Variants in RIMS1 observed in about 807,000 individuals in gnomAD.
RIMS1 encodes regulating synaptic membrane exocytosis 1.
A neutral mutation model predicts 214.1 loss-of-function variants in RIMS1; 83 were observed. That is an observed-to-expected ratio of 0.39 (90% confidence interval 0.32 to 0.47). The LOEUF is 0.47. RIMS1 is among the 20% of genes least tolerant of loss of function. The pLI, the probability that RIMS1 is intolerant of heterozygous loss-of-function variation, is 0.99. For synonymous variants in RIMS1, 793 were observed against 786.8 expected (o/e 1.01, Z -0.13); for missense variants, 2,050 against 2,161.8 (o/e 0.95, Z 1.03).
At position 71,887,072 on chromosome 6, in the gene RIMS1, C is replaced by G. The variant is rs772961215; in HGVS notation, c.49C>G (p.Pro17Ala). The change falls in exon 1 of 34, where the codon CCC (proline) becomes GCC (alanine). Residue 17 changes from proline (P) to alanine (A), a missense_variant. This residue lies in a region of RIMS1 where 882 missense variants were observed against 828.9 expected (regional missense o/e 1.06). Coordinates refer to ENST00000521978, the MANE Select transcript of RIMS1 (RefSeq NM_014989.7). Reference sequence around the variant, plus strand: ...CGGTCCTCGCCCACCCACGGTGCCTCCCCCCATGCAAGAGCTGCCCGACCT... The same window carrying G: ...CGGTCCTCGCCCACCCACGGTGCCTGCCCCCATGCAAGAGCTGCCCGACCT... ...PRGPRPPTVP[P>A]PMQELPDLSH... 1 of 1,613,406 alleles carries G rather than the reference C, an allele frequency of 6.2e-7. No individual in the cohort carries two copies. The highest frequency in any genetic ancestry group is 8.5e-7 in the Non-Finnish European group (1 of 1,179,640).
chr6:72,013,344 A>G (rs1478666939), intron 2 of RIMS1, among the ~76,000 whole-genome samples: 3 of 152,214 alleles, frequency 2.0e-5, no homozygotes, highest in African/African-American at 7.2e-5. Flanking sequence ...TTTTACTCTA[A>G]TTCTGATTAT....
chr6:72,117,508 A>G (rs561454835), intron 4 of RIMS1, among the ~76,000 whole-genome samples: 33 of 152,080 alleles, frequency 2.2e-4, no homozygotes, highest in African/African-American at 7.7e-4. Flanking sequence ...CAGCACATGT[A>G]ACATTCTCCA....
chr6:71,990,923 G>C (rs1801401705), intron 2 of RIMS1, among the ~76,000 whole-genome samples: 1 of 152,014 alleles, frequency 6.6e-6, no homozygotes, highest in Non-Finnish European at 1.5e-5. Context: ...GTCTTATAAG[G>C]CTTCATAAAA....
chr6:72,383,127 C>G lies in RIMS1; in HGVS notation c.4367-7471C>G, dbSNP rs2098521118. Among the ~76,000 whole-genome samples the G allele has an allele frequency of 3.9e-5, 6 of 152,196 alleles. No individual in the cohort carries two copies. The South Asian group carries it at 1.2e-3, about 32-fold the overall frequency. ...GTGGCATTGCAAGCTGCGACTCACA[C>G]TCACTGCTTGAATTATTCTCTCCCC... On this transcript the variant is annotated intron_variant, in intron 29 of 33. Transcript: ENST00000521978.
chr6:71,973,786 A>G (rs2128389), intron 2 of RIMS1, among the ~76,000 whole-genome samples: 80,780 of 151,992 alleles, frequency 0.53, 21,933 homozygotes, highest in East Asian at 0.83. Flanking sequence ...CCAAGGGCCA[A>G]TAGGAAGCTG....
chr6:72,081,477 A>G (rs1184423148), intron 2 of RIMS1, among the ~76,000 whole-genome samples: 1 of 152,204 alleles, frequency 6.6e-6, no homozygotes. Context: ...AGATGGTGCA[A>G]TATTATGAAA....
At chr6:72,365,213 G>T (rs978082878) in intron 29 of RIMS1, among the ~76,000 whole-genome samples, 1 of 152,230 alleles carries the variant, frequency 6.6e-6, no homozygotes, top group Non-Finnish European at 1.5e-5. Context: ...GCTTGAGGAA[G>T]CCATTCTTTT....
At chr6:72,008,354 A>G (rs907950031) in intron 2 of RIMS1, among the ~76,000 whole-genome samples, 2 of 152,244 alleles carry the variant, frequency 1.3e-5, no homozygotes, top group Non-Finnish European at 2.9e-5. Flanking sequence ...AACTGGTACC[A>G]GCCACTGCAA....
chr6:72,220,339 G>GAAAA lies in RIMS1; in HGVS notation c.1679-13431_1679-13428dup, dbSNP rs76600666. Among the ~76,000 whole-genome samples, 664 of 152,074 alleles carry GAAAA rather than the reference G, an allele frequency of 4.4e-3. 7 individuals carry two copies. Among genetic ancestry groups the GAAAA allele is most frequent in the Admixed American group, 6.9e-3 (106 of 15,260 alleles). ...TAAAGGAAGCAATGGACTCTTGAGG[G>GAAAA]AAAAAATACTTTTGCACACAAAATT... is the stretch of plus-strand genomic sequence containing the variant. On this transcript the variant is annotated intron_variant, in intron 6 of 33. Coordinates refer to ENST00000521978, the MANE Select transcript of RIMS1 (RefSeq NM_014989.7).
intron 26 of RIMS1, among the ~76,000 whole-genome samples, chr6:72,301,280 G>C (rs1315955265): frequency 1.3e-5 from 2 of 151,464 alleles, no homozygotes; most frequent in African/African-American, 4.8e-5. Flanking sequence ...CCAGAACTAG[G>C]GCATTTCTAT....
In RIMS1 at chr6:72,143,770, C is replaced by T. The variant is rs1465937763; in HGVS notation, c.472-35805C>T. Reference sequence around the variant, plus strand: ...AGGATACAATTAATTTCTAAACATACTTAATAGTTTCTACATTATCGTATT... The same window carrying T: ...AGGATACAATTAATTTCTAAACATATTTAATAGTTTCTACATTATCGTATT... On this transcript the variant is annotated intron_variant, in intron 4 of 33. Coordinates refer to ENST00000521978, the MANE Select transcript of RIMS1 (RefSeq NM_014989.7). Among the ~76,000 whole-genome samples, 3 of 152,204 alleles carry T rather than the reference C, an allele frequency of 2.0e-5. No homozygotes were observed. In the East Asian group the frequency reaches 5.8e-4, roughly 29 times the overall value.
intron 6 of RIMS1, among the ~76,000 whole-genome samples, chr6:72,207,820 A>G (rs1170668695): frequency 2.0e-5 from 3 of 152,208 alleles, no homozygotes; most frequent in African/African-American, 7.2e-5. Context: ...AGAAAAACCT[A>G]TAAATGATTC....
chr6:72,323,159 A>G (rs749726366), intron 28 of RIMS1, among the ~76,000 whole-genome samples: 1 of 152,138 alleles, frequency 6.6e-6, no homozygotes, highest in Non-Finnish European at 1.5e-5. Flanking sequence ...CTGTACAAGA[A>G]CAAGACGAAA....
At chr6:72,045,835 C>G (rs994245332) in intron 2 of RIMS1, among the ~76,000 whole-genome samples, 1 of 148,446 alleles carries the variant, frequency 6.7e-6, no homozygotes, top group Non-Finnish European at 1.5e-5. Flanking sequence ...TTTATTCTTT[C>G]CCCTCCCTCA....
intron 22 of RIMS1, among the ~76,000 whole-genome samples, chr6:72,270,576 A>G (rs1018047985): frequency 3.3e-5 from 5 of 152,188 alleles, no homozygotes; most frequent in Admixed American, 6.5e-5. Context: ...TTAATTTTCA[A>G]TATAAGTACT....
intron 9 of RIMS1, among the ~76,000 whole-genome samples, chr6:72,239,971 A>G (rs2066009846): frequency 1.3e-5 from 2 of 150,838 alleles, no homozygotes; most frequent in Admixed American, 1.3e-4. Flanking sequence ...AGTGGTTCCT[A>G]ATATCTCACC....
chr6:72,341,271 T>C (rs1363293034), intron 29 of RIMS1, among the ~76,000 whole-genome samples: 1 of 152,034 alleles, frequency 6.6e-6, no homozygotes, highest in Non-Finnish European at 1.5e-5. Flanking sequence ...GAATGCCCTT[T>C]ATTCCCTTCT....
At chr6:72,098,305 CTTT>C in intron 3 of RIMS1, among the ~76,000 whole-genome samples, 1 of 111,306 alleles carries the variant, frequency 9.0e-6, no homozygotes, top group East Asian at 2.6e-4. Context: ...TTTTTTTTTT[CTTT>C]TTTTTCTTGA....
chr6:72,102,904 A>C (rs1206390341), intron 4 of RIMS1, among the ~76,000 whole-genome samples: 1 of 152,126 alleles, frequency 6.6e-6, no homozygotes, highest in African/African-American at 2.4e-5. Flanking sequence ...TATTTAGCTC[A>C]TGGCATGATG....
Sources: gnomAD v4.1 joint callset for allele counts (sites outside exome capture counted in the v4.1 genomes callset) on GRCh38, gnomAD v4.1.1 for gene constraint, gnomAD v4.1.1 regional missense constraint, MANE v1.5 for transcripts, NCBI Gene and HGNC (gene_info 2026-07-23, HGNC 2026-07-21) for gene names.